Variants in OR2A25 observed in about 807,000 individuals in gnomAD.
OR2A25 encodes the protein olfactory receptor 2A25.
For synonymous variants in OR2A25, 162 were observed against 148.1 expected, an observed-to-expected ratio of 1.09 and a Z score of -0.68; for missense variants, 362 against 368.3, an observed-to-expected ratio of 0.98 and a Z score of 0.14.
Position 144,075,222 on chromosome 7 carries a change from C to G in OR2A25, c.*70C>G. The G allele has an allele frequency of 1.8e-6, 2 of 1,103,546 alleles. No individual in the cohort carries two copies. Among genetic ancestry groups the G allele is most frequent in the Non-Finnish European group, 2.6e-6 (2 of 757,116 alleles). 68.4% of individuals were successfully genotyped at this position (1,103,546 alleles called of 1,614,324 possible). On this transcript the variant is annotated 3_prime_UTR_variant, in exon 2 of 2. Transcript: ENST00000641663. ...GATTACATCTGAACCCATCCCTACT[C>G]AGGATACATAATCACACTCTAGAGA...
intron 1 of OR2A25, among the ~76,000 whole-genome samples, chr7:144,071,280 T>G (rs1047615905): frequency 1.3e-5 from 2 of 152,118 alleles, no homozygotes; most frequent in African/African-American, 4.8e-5. Context: ...ATGTTTGTCT[T>G]TCTGTGCCTG....
In OR2A25 at chr7:144,075,179, G is replaced by GGCTTCAAA. The variant is rs766282489; in HGVS notation, c.*29_*36dup. 2.7e-6 allele frequency: 4 copies of GGCTTCAAA among 1,499,606 alleles called. No homozygotes were observed. Among genetic ancestry groups the GGCTTCAAA allele is most frequent in the Non-Finnish European group, 3.7e-6 (4 of 1,092,892 alleles). 92.9% of individuals were successfully genotyped at this position (1,499,606 alleles called of 1,614,324 possible). A position where few individuals can be genotyped will look rare whatever the true frequency, so the allele number is the denominator to read the frequency against. On this transcript the variant is annotated 3_prime_UTR_variant, in exon 2 of 2. Transcript: ENST00000641663. ...AGCCTGAAAGAATAGTAAAATAGCT[G>GGCTTCAAA]GCTTCAAAGGGCTTTGAGATTACAT...
chr7:144,075,080 A>G lies in OR2A25; in HGVS notation c.861A>G (p.Leu287=), dbSNP rs372811992. 4.0e-5 allele frequency: 65 copies of G among 1,614,088 alleles called. No individual in the cohort carries two copies. The highest frequency in any genetic ancestry group is 6.7e-5 in the Admixed American group (4 of 60,012). ...HSLFNPMLNP[L]IYSLRNKEVQ... ...TCTTCAATCCCATGCTTAATCCCCT[A>G]ATTTATAGTCTTAGGAACAAGGAAG... Residue 287 remains leucine, a synonymous_variant, in exon 2 of 2, where the codon CTA becomes CTG. Coordinates refer to ENST00000641663, the MANE Select transcript of OR2A25 (RefSeq NM_001386096.1).
rs2051096157 is a variant in OR2A25, at chr7:144,074,655, A to G, written c.436A>G (p.Thr146Ala). 3.1e-6 allele frequency: 5 copies of G among 1,613,978 alleles called. No homozygotes were observed. The highest frequency in any genetic ancestry group is 1.6e-4 in the Middle Eastern group (1 of 6,084). ...TWKVCITLAL[T>A]SWILGVLLAL... ...GAAAGTCTGCATCACTTTGGCATTG[A>G]CTTCCTGGATTTTAGGAGTCTTATT... is the stretch of plus-strand genomic sequence containing the variant. The change falls in exon 2 of 2, where the codon ACT becomes GCT. Residue 146 changes from threonine (T) to alanine (A), a missense_variant. Transcript: ENST00000641663.
intron 1 of OR2A25, among the ~76,000 whole-genome samples, chr7:144,072,959 T>C (rs1054717403): frequency 6.6e-6 from 1 of 151,878 alleles, no homozygotes; most frequent in Admixed American, 6.6e-5. Context: ...GAACTGGAGG[T>C]CATTACATTA....
rs1563035802 is a variant in OR2A25 at position 144,074,687 on chromosome 7, T to A, written c.468T>A (p.Leu156=). Reference sequence around the variant, plus strand: ...GGATTTTAGGAGTCTTATTGGCCCTTGTCCATCTAGTGTTACTGCTACCAC... The same window carrying A: ...GGATTTTAGGAGTCTTATTGGCCCTAGTCCATCTAGTGTTACTGCTACCAC... ...TSWILGVLLA[L]VHLVLLLPLS... The change falls in exon 2 of 2, where the codon CTT becomes CTA. Residue 156 remains leucine (L), a synonymous_variant. Transcript: ENST00000641663. 1 of 1,614,170 alleles carries A rather than the reference T, an allele frequency of 6.2e-7. No individual in the cohort carries two copies. The highest frequency in any genetic ancestry group is 2.2e-5 in the East Asian group (1 of 44,880).
Position 144,074,789 on chromosome 7 carries a change from T to A in OR2A25, c.570T>A (p.Asp190Glu). 3 of 1,614,222 alleles carry A rather than the reference T, an allele frequency of 1.9e-6. No homozygotes were observed. The highest frequency in any genetic ancestry group is 2.5e-6 in the Non-Finnish European group (3 of 1,180,034). The change falls in exon 2 of 2, where the codon GAT becomes GAA. Residue 190 changes from aspartate (D) to glutamate (E), a missense_variant. Asp to Glu is a conservative substitution (Grantham distance 45). Coordinates refer to ENST00000641663, the MANE Select transcript of OR2A25 (RefSeq NM_001386096.1). ...CTGTTCTCAAACTTGCCTGTGCGGA[T>A]ACCCACATTAATGAGGTAATGGTTT... is the stretch of plus-strand genomic sequence containing the variant. ...IMAVLKLACA[D>E]THINEVMVLA... is the part of the protein sequence containing the mutation.
In OR2A25 at chr7:144,075,215, C is replaced by T. The variant is rs2051104315; in HGVS notation, c.*63C>T. 7 of 1,174,518 alleles carry T rather than the reference C, an allele frequency of 6.0e-6. No individual in the cohort carries two copies. The highest frequency in any genetic ancestry group is 6.1e-6 in the Non-Finnish European group (5 of 818,244). The allele number at this position is 1,174,518 out of a possible 1,614,324, so 72.8% of individuals were successfully genotyped here. ...GCTTTGAGATTACATCTGAACCCAT[C>T]CCTACTCAGGATACATAATCACACT... On this transcript the variant is annotated 3_prime_UTR_variant, in exon 2 of 2. Coordinates refer to ENST00000641663, the MANE Select transcript of OR2A25 (RefSeq NM_001386096.1).
chr7:144,073,906 C>A (rs2051086247), intron 1 of OR2A25, among the ~76,000 whole-genome samples: 1 of 152,128 alleles, frequency 6.6e-6, no homozygotes, highest in Admixed American at 6.5e-5. Context: ...TCATCACAAA[C>A]TGAGGAAAGA....
intron 1 of OR2A25, among the ~76,000 whole-genome samples, chr7:144,073,270 A>G (rs973415134): frequency 6.6e-6 from 1 of 152,140 alleles, no homozygotes; most frequent in African/African-American, 2.4e-5. Context: ...AGAAAAGACA[A>G]ATATTTAAGG....
rs200982918 is a variant in OR2A25 at position 144,074,281 on chromosome 7, G to A, written c.62G>A (p.Arg21Lys). Residue 21 changes from arginine (R) to lysine (K), a missense_variant, in exon 2 of 2, where the codon AGG becomes AAG. Arg to Lys is a conservative substitution (Grantham distance 26). Coordinates refer to ENST00000641663, the MANE Select transcript of OR2A25 (RefSeq NM_001386096.1). ...FLLLGFPIGP[R>K]IQMLLFGLFS... ...CTACTGGGATTTCCCATTGGCCCAA[G>A]GATTCAGATGCTCCTCTTTGGGCTC... is the stretch of plus-strand genomic sequence containing the variant. 28 of 1,613,850 alleles carry A rather than the reference G, an allele frequency of 1.7e-5. No individual in the cohort carries two copies. The Admixed American group carries it at 1.8e-4, about 11-fold the overall frequency.
chr7:144,074,508 A>C lies in OR2A25; in HGVS notation c.289A>C (p.Met97Leu). The C allele has an allele frequency of 6.2e-7, 1 of 1,614,196 alleles. No individual in the cohort carries two copies. The highest frequency in any genetic ancestry group is 8.5e-7 in the Non-Finnish European group (1 of 1,180,046). Reference sequence around the variant, plus strand: ...CAAGCCCATCTCCTTTGCTGGCTGCATGACCCAGATGTTTCTGTTTTTGAG... The same window carrying C: ...CAAGCCCATCTCCTTTGCTGGCTGCCTGACCCAGATGTTTCTGTTTTTGAG... ...PAKPISFAGC[M>L]TQMFLFLSFA... Residue 97 changes from methionine (M) to leucine (L), a missense_variant, in exon 2 of 2, where the codon ATG becomes CTG. Transcript: ENST00000641663.
At chr7:144,073,225 G>T (rs2051080594) in intron 1 of OR2A25, among the ~76,000 whole-genome samples, 2 of 151,996 alleles carry the variant, frequency 1.3e-5, no homozygotes, top group Admixed American at 6.6e-5. Flanking sequence ...TTTCAAAATA[G>T]CCAGAAGAGA....
chr7:144,070,659 A>G (rs540949265), intron 1 of OR2A25, among the ~76,000 whole-genome samples: 1 of 152,148 alleles, frequency 6.6e-6, no homozygotes, highest in African/African-American at 2.4e-5. Flanking sequence ...CTATTGCCTC[A>G]TGAAATTAAG....
At position 144,074,228 on chromosome 7, in the gene OR2A25, A is replaced by T. The variant is rs753914877; in HGVS notation, c.9A>T (p.Gly3=). MG[G]NQTSITEFLL... ...GTTTCTTCTACAGGGAAATGGGGGG[A>T]AATCAGACTTCCATCACAGAGTTCC... is the stretch of plus-strand genomic sequence containing the variant. Residue 3 remains glycine (G), a synonymous_variant, in exon 2 of 2, where the codon GGA becomes GGT. Coordinates refer to ENST00000641663, the MANE Select transcript of OR2A25 (RefSeq NM_001386096.1). 3.7e-5 allele frequency: 59 copies of T among 1,613,018 alleles called. No individual in the cohort carries two copies. The highest frequency in any genetic ancestry group is 1.6e-4 in the Middle Eastern group (1 of 6,070).
intron 1 of OR2A25, chr7:144,070,444 T>C (rs1266202146): frequency 7.2e-5 from 11 of 152,142 alleles, no homozygotes; most frequent in Admixed American, 7.2e-4. Flanking sequence ...AGAAGCACTG[T>C]AATAAAAAAT....
At position 144,075,259 on chromosome 7, in the gene OR2A25, C is replaced by T. The variant is rs781724759; in HGVS notation, c.*107C>T. The T allele has an allele frequency of 1.2e-6, 1 of 842,208 alleles. No homozygotes were observed. Among genetic ancestry groups the T allele is most frequent in the South Asian group, 1.8e-5 (1 of 56,460 alleles). The allele number at this position is 842,208 out of a possible 1,614,324, so 52.2% of individuals were successfully genotyped here. On this transcript the variant is annotated 3_prime_UTR_variant, in exon 2 of 2. Coordinates refer to ENST00000641663, the MANE Select transcript of OR2A25 (RefSeq NM_001386096.1). ...TCACACTCTAGAGAACCCTTTCCAT[C>T]TTCTTGAAATTTTCCTATGACTACC...
chr7:144,075,398 T>C lies in OR2A25; in HGVS notation c.*246T>C, dbSNP rs943635341. 105 of 319,390 alleles carry C rather than the reference T, an allele frequency of 3.3e-4. No individual in the cohort carries two copies. The highest frequency in any genetic ancestry group is 2.1e-3 in the African/African-American group (100 of 47,192). The allele number at this position is 319,390 out of a possible 1,614,324, so 19.8% of individuals were successfully genotyped here. A position where few individuals can be genotyped will look rare whatever the true frequency, so the allele number is the denominator to read the frequency against. On this transcript the variant is annotated 3_prime_UTR_variant, in exon 2 of 2. Transcript: ENST00000641663. ...AGTGTACACACTTTTAATATAATTA[T>C]GTGAAATATTCTGAAAGTTGGAAAT...
chr7:144,073,007 T>C (rs1435842462), intron 1 of OR2A25, among the ~76,000 whole-genome samples: 1 of 152,182 alleles, frequency 6.6e-6, no homozygotes, highest in Non-Finnish European at 1.5e-5. Flanking sequence ...AAATATTGTA[T>C]GTTTTCACTT....
Sources: gnomAD v4.1 joint callset for allele counts (sites outside exome capture counted in the v4.1 genomes callset) on GRCh38, gnomAD v4.1.1 for gene constraint, MANE v1.5 for transcripts, NCBI Gene and HGNC (gene_info 2026-07-23, HGNC 2026-07-21) for gene names.